The following ANO2 variants were observed in gnomAD, a reference collection of about 807,000 sequenced individuals.
ANO2 encodes anoctamin 2.
A neutral mutation model predicts 124.2 loss-of-function variants in ANO2; 101 were observed. The ratio of observed to expected loss-of-function variants is 0.81; its 90% CI spans 0.69 to 0.96. The LOEUF (loss-of-function observed/expected upper bound fraction) is 0.96. Among genes scored for constraint, ANO2 ranks in the 40% least tolerant of loss-of-function variants. The pLI, the probability that ANO2 is intolerant of heterozygous loss-of-function variation, is 0.00. For synonymous variants in ANO2, 486 were observed against 482.5 expected (o/e 1.01, Z -0.09); for missense variants, 1,293 against 1,274.5 (o/e 1.01, Z -0.22).
intron 16 of ANO2, among the ~76,000 whole-genome samples, chr12:5,620,165 AAAC>A (rs1211012325): frequency 2.6e-5 from 4 of 152,266 alleles, no homozygotes; most frequent in Non-Finnish European, 5.9e-5. Flanking sequence ...TGAGCAAGTT[AAAC>A]AACATTTTGG....
intron 23 of ANO2, 103 bp from the exon 24 acceptor site, chr12:5,565,766 A>C: frequency 1.1e-6 from 1 of 902,594 alleles, no homozygotes; most frequent in Non-Finnish European, 1.7e-6. Context: ...TCAGGCACGC[A>C]TGCCCTTGGC....
intron 14 of ANO2, among the ~76,000 whole-genome samples, chr12:5,724,468 C>T (rs1397281421): frequency 1.3e-5 from 2 of 152,174 alleles, no homozygotes; most frequent in Non-Finnish European, 2.9e-5. Flanking sequence ...ATCCCCTGCT[C>T]AATGGGACTC....
chr12:5,898,930 G>A (rs930643814), intron 3 of ANO2, among the ~76,000 whole-genome samples: 2 of 152,184 alleles, frequency 1.3e-5, no homozygotes, highest in Non-Finnish European at 2.9e-5. Flanking sequence ...TAGCTATAAA[G>A]GAGAGGAGAA....
intron 14 of ANO2, among the ~76,000 whole-genome samples, chr12:5,679,983 T>C (rs1192623046): frequency 6.6e-6 from 1 of 152,168 alleles, no homozygotes; most frequent in Non-Finnish European, 1.5e-5. Flanking sequence ...TCATGTCCTT[T>C]GCATGGACAT....
chr12:5,717,770 A>C (rs1477143518), intron 14 of ANO2, among the ~76,000 whole-genome samples: 2 of 152,212 alleles, frequency 1.3e-5, no homozygotes, highest in Admixed American at 1.3e-4. Context: ...CAAAAAAACA[A>C]AAGTGGAAAT....
chr12:5,779,303 A>G (rs1952317952), intron 10 of ANO2, among the ~76,000 whole-genome samples: 1 of 152,192 alleles, frequency 6.6e-6, no homozygotes, highest in South Asian at 2.1e-4. Flanking sequence ...CCCAACCTCC[A>G]CAACACATAC....
In ANO2 at chr12:5,612,802, C is replaced by A. The variant is rs1470083592; in HGVS notation, c.1987-46G>T. 5 of 1,610,182 alleles carry A rather than the reference C, an allele frequency of 3.1e-6. No homozygotes were observed. In the South Asian group the frequency reaches 5.5e-5, roughly 18 times the overall value. On this transcript the variant is annotated intron_variant, in intron 18 of 24. Coordinates refer to ENST00000682330, the MANE Select transcript of ANO2 (RefSeq NM_001364791.2). ...AAGGACCGGTTAGAACAAAAGGGAG[C>A]TCTGAGAAGCAGGGGCGCGAATGAA...
At chr12:5,861,057 A>G (rs946510663) in intron 3 of ANO2, among the ~76,000 whole-genome samples, 2 of 152,212 alleles carry the variant, frequency 1.3e-5, no homozygotes, top group Non-Finnish European at 2.9e-5. Context: ...GAGGAATTTC[A>G]GAATGATGAA....
At chr12:5,839,729 T>C (rs10849349) in intron 4 of ANO2, 13,111 of 425,828 alleles carry the variant, frequency 0.031, 1,388 homozygotes, top group African/African-American at 0.23. Flanking sequence ...GAGCATCATT[T>C]CATCCACGGT....
chr12:5,667,908 A>G (rs762347119), intron 14 of ANO2, among the ~76,000 whole-genome samples: 4 of 152,238 alleles, frequency 2.6e-5, no homozygotes, highest in Admixed American at 6.5e-5. Context: ...GCTGCATAGT[A>G]TTCCATGGTA....
At chr12:5,754,104 T>C (rs1027686632) in intron 10 of ANO2, among the ~76,000 whole-genome samples, 12 of 152,226 alleles carry the variant, frequency 7.9e-5, no homozygotes, top group African/African-American at 2.9e-4. Flanking sequence ...CTTGTTGAGC[T>C]GTAAGTTCTT....
At chr12:5,829,747 G>A (rs1255725590) in intron 6 of ANO2, among the ~76,000 whole-genome samples, 1 of 152,056 alleles carries the variant, frequency 6.6e-6, no homozygotes, top group Non-Finnish European at 1.5e-5. Flanking sequence ...GAATGAAGAT[G>A]TTCTACAGCT....
intron 14 of ANO2, among the ~76,000 whole-genome samples, chr12:5,725,652 T>A (rs568181756): frequency 3.7e-4 from 57 of 152,248 alleles, no homozygotes; most frequent in Admixed American, 5.9e-4. Context: ...AGATGGCATC[T>A]CCTCTGGGAT....
At chr12:5,709,333 T>C (rs1366310170) in intron 14 of ANO2, among the ~76,000 whole-genome samples, 1 of 152,224 alleles carries the variant, frequency 6.6e-6, no homozygotes, top group African/African-American at 2.4e-5. Context: ...GGAGCGGCCA[T>C]TGCCTAAGTT....
intron 14 of ANO2, among the ~76,000 whole-genome samples, chr12:5,668,596 G>T (rs1947849244): frequency 6.6e-6 from 1 of 152,080 alleles, no homozygotes; most frequent in Non-Finnish European, 1.5e-5. Context: ...ATTGCTGTTA[G>T]CAATTTTGTC....
intron 3 of ANO2, among the ~76,000 whole-genome samples, chr12:5,887,247 G>A (rs1233901034): frequency 5.9e-5 from 9 of 152,064 alleles, no homozygotes; most frequent in Non-Finnish European, 1.0e-4. Flanking sequence ...TACATTCACT[G>A]GCCCCAAACC....
intron 20 of ANO2, among the ~76,000 whole-genome samples, chr12:5,579,719 T>A (rs1210698271): frequency 2.0e-5 from 3 of 152,220 alleles, no homozygotes; most frequent in Admixed American, 2.0e-4. Flanking sequence ...AGGTGCTTTA[T>A]AATCTGCCTC....
intron 1 of ANO2, among the ~76,000 whole-genome samples, chr12:5,924,977 T>C (rs1942014272): frequency 6.6e-6 from 1 of 152,172 alleles, no homozygotes; most frequent in Non-Finnish European, 1.5e-5. Flanking sequence ...AAAAAGGGGC[T>C]TCCTCCCTTG....
At chr12:5,640,634 T>C (rs1303352240) in intron 15 of ANO2, among the ~76,000 whole-genome samples, 1 of 152,210 alleles carries the variant, frequency 6.6e-6, no homozygotes, top group Non-Finnish European at 1.5e-5. Context: ...ATGCTCATCA[T>C]CACTGGTCAT....
Sources: allele counts gnomAD v4.1 joint callset (sites outside exome capture counted in the v4.1 genomes callset), GRCh38; gene constraint gnomAD v4.1.1; transcripts MANE v1.5; gene names NCBI Gene and HGNC (gene_info 2026-07-23, HGNC 2026-07-21).